The following CPEB2 variants were observed in gnomAD, a reference collection of about 807,000 sequenced individuals.
CPEB2 encodes cytoplasmic polyadenylation element binding protein 2.
Under a neutral mutation model 93.6 loss-of-function variants are expected in CPEB2, and 56 were observed. That is an observed-to-expected ratio of 0.60 (90% CI 0.48 to 0.75). The LOEUF is 0.75. Among genes scored for constraint, CPEB2 ranks in the 30% least tolerant of loss-of-function variants. The pLI is 0.00. For synonymous variants in CPEB2, 764 were observed against 586.3 expected (o/e 1.30, Z -4.38); for missense variants, 1,579 against 1,395.1 (o/e 1.13, Z -2.10).
chr4:15,060,884 A>G (rs1478264775), intron 10 of CPEB2, among the ~76,000 whole-genome samples: 2 of 152,154 alleles, frequency 1.3e-5, no homozygotes, highest in Non-Finnish European at 2.9e-5. Context: ...GATGTTAGTG[A>G]TGGAGGTGAG....
intron 5 of CPEB2, among the ~76,000 whole-genome samples, chr4:15,037,233 T>C (rs577931672): frequency 6.6e-6 from 1 of 151,314 alleles, no homozygotes; most frequent in East Asian, 2.0e-4. Flanking sequence ...ACCCCGGGAG[T>C]TGGAGCTTGC....
chr4:15,066,028 G>A, intron 11 of CPEB2, 125 bp from the exon 12 acceptor site: 1 of 769,566 alleles, frequency 1.3e-6, no homozygotes, highest in East Asian at 2.5e-5. Flanking sequence ...CCTTCCTTGA[G>A]AAACTGCCCA....
At chr4:15,044,772 G>A (rs1195857984) in intron 6 of CPEB2, among the ~76,000 whole-genome samples, 4 of 152,128 alleles carry the variant, frequency 2.6e-5, no homozygotes, top group African/African-American at 7.2e-5. Context: ...AGCGCCCAGT[G>A]TCAGAGTTAG....
Position 15,028,247 on chromosome 4 carries a change from G to A in CPEB2, c.2126-4914G>A, listed in dbSNP as rs537485190. Among the ~76,000 whole-genome samples, 3 of 151,824 alleles carry A rather than the reference G, an allele frequency of 2.0e-5. No homozygotes were observed. The East Asian group carries it at 5.8e-4, about 29-fold the overall frequency. On this transcript the variant is annotated intron_variant, in intron 4 of 11. Coordinates refer to ENST00000538197, the MANE Select transcript of CPEB2 (RefSeq NM_001177382.2). ...AATTTATCTTGGCAAAGAGCAATAA[G>A]CAGGACTTTTGCAATATCTCTCCCC...
At chr4:15,050,481 T>C (rs1728125014) in intron 6 of CPEB2, among the ~76,000 whole-genome samples, 1 of 152,174 alleles carries the variant, frequency 6.6e-6, no homozygotes, top group African/African-American at 2.4e-5. Flanking sequence ...TTGTCCATAT[T>C]CTTACTGTTT....
In CPEB2 at chr4:15,003,535, G is replaced by A; in HGVS notation, c.862G>A (p.Ala288Thr). The A allele has an allele frequency of 6.9e-7, 1 of 1,448,894 alleles. No homozygotes were observed. Among genetic ancestry groups the A allele is most frequent in the Non-Finnish European group, 9.1e-7 (1 of 1,102,918 alleles). 89.8% of individuals were successfully genotyped at this position (1,448,894 alleles called of 1,614,324 possible). ...GAGSPRKTPA[A>T]GEGSAAESPN... ...GGGCAGCCCTCGCAAGACCCCAGCC[G>A]CGGGCGAGGGCAGCGCCGCCGAGTC... The change falls in exon 1 of 12, where the codon GCG becomes ACG. Residue 288 changes from alanine to threonine, a missense_variant. Ala to Thr is a moderately conservative substitution (Grantham distance 58). Transcript: ENST00000538197.
At position 15,058,506 on chromosome 4, in the gene CPEB2, G is replaced by A; in HGVS notation, c.2547G>A (p.Leu849=). The change falls in exon 9 of 12, where the codon CTG becomes CTA. Residue 849 remains leucine (L), a synonymous_variant. Transcript: ENST00000538197. ...ACIEEDGKLY[L]CVSSPTIKDK... The stretch of plus-strand genomic sequence containing the variant: ...TTGAAGAAGATGGAAAACTCTATCT[G>A]TGTGTTTCTAGCCCTACTATCAAGG... 1 of 1,609,522 alleles carries A rather than the reference G, an allele frequency of 6.2e-7. No individual in the cohort carries two copies. Among genetic ancestry groups the A allele is most frequent in the South Asian group, 1.1e-5 (1 of 90,970 alleles).
At chr4:15,033,339 A>C in intron 5 of CPEB2, 128 bp downstream of exon 5, 1 of 664,766 alleles carries the variant, frequency 1.5e-6, no homozygotes, top group South Asian at 1.8e-5. Context: ...AGTTACAACT[A>C]TTCCTATGCA....
chr4:15,036,613 A>G (rs1726636591), intron 5 of CPEB2, among the ~76,000 whole-genome samples: 1 of 152,214 alleles, frequency 6.6e-6, no homozygotes. Context: ...TATTTGAATT[A>G]TATCTTCTTT....
At chr4:15,006,493 T>G (rs760442052) in intron 1 of CPEB2, 11 of 152,100 alleles carry the variant, frequency 7.2e-5, no homozygotes, top group Non-Finnish European at 1.5e-4. Flanking sequence ...ATTTGACTTG[T>G]CTTGCCACAG....
At chr4:15,004,387 G>A (rs1722495451) in intron 1 of CPEB2, 52 bp downstream of exon 1, 4 of 1,319,890 alleles carry the variant, frequency 3.0e-6, no homozygotes, top group East Asian at 6.2e-5. Context: ...ACCATGGGCG[G>A]GGGACGGAGG....
chr4:15,032,146 G>A (rs767638986), intron 4 of CPEB2, among the ~76,000 whole-genome samples: 32 of 151,920 alleles, frequency 2.1e-4, no homozygotes, highest in Non-Finnish European at 3.4e-4. Context: ...TGCTCAGGCC[G>A]GAGTGCATTG....
At chr4:15,020,876 G>C (rs1468245700) in intron 4 of CPEB2, among the ~76,000 whole-genome samples, 2 of 152,132 alleles carry the variant, frequency 1.3e-5, no homozygotes, top group Non-Finnish European at 2.9e-5. Context: ...AGATTATGAG[G>C]TGTTTAGAGA....
rs1332594598 is a variant in CPEB2, at chr4:15,002,843, G to T, written c.170G>T (p.Gly57Val). 1 of 1,534,986 alleles carries T rather than the reference G, an allele frequency of 6.5e-7. No homozygotes were observed. The highest frequency in any genetic ancestry group is 2.0e-5 in the Admixed American group (1 of 50,934). ...PLSPPPLPVTGFLEAASPFSV... is the reference protein window; with the variant it reads ...PLSPPPLPVTVFLEAASPFSV... ...TCGCCACCACCGTTGCCTGTCACCG[G>T]CTTCTTAGAGGCCGCCTCCCCCTTC... Residue 57 changes from glycine (G) to valine (V), a missense_variant, in exon 1 of 12, where the codon GGC (glycine) becomes GTC (valine). By Grantham distance (109) the Gly-to-Val change is moderately radical. Around this residue, in one of 2 missense-constraint regions of CPEB2, gnomAD observed 1,411 missense variants for 1,056.0 expected, o/e 1.34. Coordinates refer to ENST00000538197, the MANE Select transcript of CPEB2 (RefSeq NM_001177382.2).
intron 4 of CPEB2, among the ~76,000 whole-genome samples, chr4:15,019,963 A>G (rs756261503): frequency 5.9e-5 from 9 of 152,088 alleles, no homozygotes; most frequent in Non-Finnish European, 1.2e-4. Flanking sequence ...GTAGCAGTCA[A>G]CATACTGGCT....
At position 15,059,124 on chromosome 4, in the gene CPEB2, A is replaced by G. The variant is rs202108543; in HGVS notation, c.2581-63A>G. On this transcript the variant is annotated intron_variant, in intron 9 of 11. Coordinates refer to ENST00000538197, the MANE Select transcript of CPEB2 (RefSeq NM_001177382.2). ...AGAATCACTATTAACTGGCAAAAAC[A>G]AACAAACAGAAAATTCTCATAAGAC... 3.5e-4 allele frequency: 346 copies of G among 993,514 alleles called. 1 individual carries two copies. The highest frequency in any genetic ancestry group is 4.8e-4 in the Non-Finnish European group (317 of 658,950). 61.5% of individuals were successfully genotyped at this position (993,514 alleles called of 1,614,324 possible).
At chr4:15,061,980 A>G in intron 10 of CPEB2, 99 bp from the exon 11 acceptor site, 1 of 1,119,580 alleles carries the variant, frequency 8.9e-7, no homozygotes, top group Non-Finnish European at 1.3e-6. Context: ...TGGTCAAATG[A>G]TAATATACTA....
At chr4:15,020,602 T>C (rs1267731111) in intron 4 of CPEB2, among the ~76,000 whole-genome samples, 1 of 152,118 alleles carries the variant, frequency 6.6e-6, no homozygotes, top group Admixed American at 6.6e-5. Flanking sequence ...ATGTTAATAT[T>C]TTCATGGTCT....
Position 15,068,314 on chromosome 4 carries a change from G to A in CPEB2, c.*1934G>A, listed in dbSNP as rs1729854043. 1.3e-5 allele frequency: 2 copies of A among 152,288 alleles called. No individual in the cohort carries two copies. Among genetic ancestry groups the A allele is most frequent in the Admixed American group, 6.6e-5 (1 of 15,208 alleles). The allele number at this position is 152,288 out of a possible 1,614,324, so 9.4% of individuals were successfully genotyped here. A position where few individuals can be genotyped will look rare whatever the true frequency, so the allele number is the denominator to read the frequency against. On this transcript the variant is annotated 3_prime_UTR_variant, in exon 12 of 12. Transcript: ENST00000538197. ...CAAGTTTTTAATGTTTAAAGTTGAT[G>A]CTGTTTTCAGAAGAGCTTTTTACTA... is the stretch of plus-strand genomic sequence containing the variant.
Sources: gnomAD v4.1 joint callset for allele counts (sites outside exome capture counted in the v4.1 genomes callset) on GRCh38, gnomAD v4.1.1 for gene constraint, gnomAD v4.1.1 regional missense constraint, MANE v1.5 for transcripts, NCBI Gene and HGNC (gene_info 2026-07-23, HGNC 2026-07-21) for gene names.